The following BMP6 variants were observed in gnomAD, a reference collection of about 807,000 sequenced individuals.
BMP6 encodes the protein bone morphogenetic protein 6, also known as VG-1-R.
Under a neutral mutation model 54.1 loss-of-function variants are expected in BMP6, and 17 were observed. The observed-to-expected ratio is 0.31, with a 90% CI of 0.22 to 0.47. The LOEUF is 0.47. BMP6 is among the 20% of genes least tolerant of loss of function. The pLI is 1.00. For missense variants in BMP6, 720 were observed against 690.4 expected (o/e 1.04, Z -0.48); for synonymous variants, 328 against 291.2 (o/e 1.13, Z -1.28).
intron 2 of BMP6, among the ~76,000 whole-genome samples, chr6:7,858,960 G>A (rs910776928): frequency 6.6e-6 from 1 of 151,936 alleles, no homozygotes; most frequent in Non-Finnish European, 1.5e-5. Context: ...TTACAAAAGT[G>A]TGCCACAGAA....
At chr6:7,782,757 G>A (rs1757965655) in intron 1 of BMP6, among the ~76,000 whole-genome samples, 1 of 152,108 alleles carries the variant, frequency 6.6e-6, no homozygotes, top group African/African-American at 2.4e-5. Flanking sequence ...CCCAGGAAAG[G>A]AGTATAGAGC....
Position 7,789,035 on chromosome 6 carries a change from C to G in BMP6, c.665-56105C>G, listed in dbSNP as rs776088300. ...AATTGTATGTGTTTAAGGTATACAA[C>G]TTGATGATTGGCCTATGTATACATT... On this transcript the variant is annotated intron_variant, in intron 1 of 6. Transcript: ENST00000283147. Among the ~76,000 whole-genome samples the G allele has an allele frequency of 4.1e-4, 62 of 152,174 alleles. 2 individuals carry two copies. Among genetic ancestry groups the G allele is most frequent in the Non-Finnish European group, 5.9e-5 (4 of 68,030 alleles).
At chr6:7,838,017 C>CT (rs70982112) in intron 1 of BMP6, among the ~76,000 whole-genome samples, 3,840 of 152,200 alleles carry the variant, frequency 0.025, 59 homozygotes, top group Middle Eastern at 0.065. Context: ...AAAGAAGGAG[C>CT]TGAAAGGCTC....
At chr6:7,869,696 T>C (rs1759488894) in intron 4 of BMP6, among the ~76,000 whole-genome samples, 1 of 152,132 alleles carries the variant, frequency 6.6e-6, no homozygotes, top group African/African-American at 2.4e-5. Flanking sequence ...GTCTCCTCAG[T>C]CATCACAGGG....
At chr6:7,869,679 A>T (rs1759488655) in intron 4 of BMP6, among the ~76,000 whole-genome samples, 1 of 152,124 alleles carries the variant, frequency 6.6e-6, no homozygotes, top group Admixed American at 6.5e-5. Context: ...TCTCCTGTAG[A>T]TGGAATGTCT....
At chr6:7,799,634 T>C (rs1265498325) in intron 1 of BMP6, among the ~76,000 whole-genome samples, 1 of 151,790 alleles carries the variant, frequency 6.6e-6, no homozygotes, top group Non-Finnish European at 1.5e-5. Flanking sequence ...GCTGGCAGAG[T>C]AGTCCTCACC....
At chr6:7,832,075 A>AG (rs1305797023) in intron 1 of BMP6, among the ~76,000 whole-genome samples, 1 of 152,182 alleles carries the variant, frequency 6.6e-6, no homozygotes, top group Non-Finnish European at 1.5e-5. Context: ...GGTATAAGGT[A>AG]GGGGTTTGAT....
chr6:7,767,100 C>T (rs905536223), intron 1 of BMP6, among the ~76,000 whole-genome samples: 5 of 151,818 alleles, frequency 3.3e-5, no homozygotes, highest in African/African-American at 1.2e-4. Context: ...CATTCTCCTG[C>T]CTCAGCTCTC....
chr6:7,838,187 T>A (rs1259198798), intron 1 of BMP6, among the ~76,000 whole-genome samples: 1 of 152,184 alleles, frequency 6.6e-6, no homozygotes, highest in Non-Finnish European at 1.5e-5. Context: ...TCATATAACT[T>A]TTATTATAGT....
At position 7,862,479 on chromosome 6, in the gene BMP6, G is replaced by A. The variant is rs965196712; in HGVS notation, c.1185G>A (p.Ala395=). The part of the protein sequence containing the change: ...RNRSTQSQDV[A]RVSSASDYNS... ...GCTCTACCCAGTCCCAGGACGTGGC[G>A]CGGGTCTCCAGTGCTTCAGGTGGGT... The change falls in exon 4 of 7, where the codon GCG becomes GCA. Residue 395 remains alanine (A), a synonymous_variant. Coordinates refer to ENST00000283147, the MANE Select transcript of BMP6 (RefSeq NM_001718.6). The A allele has an allele frequency of 5.0e-6, 8 of 1,613,948 alleles. No homozygotes were observed. Among genetic ancestry groups the A allele is most frequent in the Admixed American group, 1.7e-5 (1 of 60,002 alleles).
intron 1 of BMP6, among the ~76,000 whole-genome samples, chr6:7,790,393 C>A (rs1180406578): frequency 1.3e-5 from 2 of 151,804 alleles, no homozygotes; most frequent in African/African-American, 4.8e-5. Flanking sequence ...TGGCACACTT[C>A]TGTAGTCCCA....
intron 4 of BMP6, among the ~76,000 whole-genome samples, chr6:7,863,630 A>G (rs865862853): frequency 3.3e-5 from 5 of 152,168 alleles, no homozygotes; most frequent in Non-Finnish European, 4.4e-5. Flanking sequence ...CTAAGGAATA[A>G]GGTGAGTCCC....
chr6:7,732,544 A>G (rs1761880945), intron 1 of BMP6, among the ~76,000 whole-genome samples: 1 of 152,234 alleles, frequency 6.6e-6, no homozygotes, highest in African/African-American at 2.4e-5. Context: ...GTTTAAATAC[A>G]AAAACAATGC....
intron 1 of BMP6, among the ~76,000 whole-genome samples, chr6:7,770,310 A>C (rs768284395): frequency 6.6e-6 from 1 of 152,232 alleles, no homozygotes; most frequent in Non-Finnish European, 1.5e-5. Flanking sequence ...AATACAGCTT[A>C]CATCATTGTT....
intron 1 of BMP6, among the ~76,000 whole-genome samples, chr6:7,778,342 T>A (rs570294041): frequency 6.6e-6 from 1 of 152,248 alleles, no homozygotes; most frequent in East Asian, 1.9e-4. Context: ...TTAAAAGTGC[T>A]CTCTCATCGA....
intron 2 of BMP6, among the ~76,000 whole-genome samples, chr6:7,850,270 G>A (rs1202392281): frequency 6.6e-6 from 1 of 152,176 alleles, no homozygotes; most frequent in Admixed American, 6.5e-5. Flanking sequence ...AGCCTCCCGA[G>A]TAGCTGGGAC....
At chr6:7,825,612 C>T (rs971047205) in intron 1 of BMP6, among the ~76,000 whole-genome samples, 5 of 151,508 alleles carry the variant, frequency 3.3e-5, no homozygotes, top group Admixed American at 2.0e-4. Context: ...CACTGCTACT[C>T]GGGAGGCTGA....
intron 1 of BMP6, among the ~76,000 whole-genome samples, chr6:7,731,144 C>T (rs1404271988): frequency 6.6e-6 from 1 of 152,194 alleles, no homozygotes; most frequent in African/African-American, 2.4e-5. Flanking sequence ...CTTCTAAATG[C>T]TAACCGTCTG....
rs572290607 is a variant in BMP6, at chr6:7,811,048, C to T, written c.665-34092C>T. Among the ~76,000 whole-genome samples the T allele has an allele frequency of 4.8e-4, 73 of 152,234 alleles. No individual in the cohort carries two copies. In the South Asian group the frequency reaches 0.013, roughly 28 times the overall value. Reference sequence around the variant, plus strand: ...GTGGCCCCCAGGGCCCCCACCATGGCCTGATAGGTGCCCCATTACCTCAGG... The same window carrying T: ...GTGGCCCCCAGGGCCCCCACCATGGTCTGATAGGTGCCCCATTACCTCAGG... On this transcript the variant is annotated intron_variant, in intron 1 of 6. Transcript: ENST00000283147.
Sources: gnomAD v4.1 joint callset for allele counts (sites outside exome capture counted in the v4.1 genomes callset) on GRCh38, gnomAD v4.1.1 for gene constraint, MANE v1.5 for transcripts, NCBI Gene and HGNC (gene_info 2026-07-23, HGNC 2026-07-21) for gene names.